Variants in TRERF1 observed in about 807,000 individuals in gnomAD.
TRERF1 encodes transcriptional-regulating factor 1.
Under a neutral mutation model 122.9 loss-of-function variants are expected in TRERF1, and 27 were observed. That is an observed-to-expected ratio of 0.22 (90% CI 0.16 to 0.30). TRERF1 has a LOEUF of 0.30. TRERF1 is among the 10% of genes least tolerant of loss of function. The probability of loss-of-function intolerance (pLI) is 1.00; values close to 1 mark genes in which losing one functional copy is unlikely to be tolerated. For synonymous variants in TRERF1, 636 were observed against 641.7 expected (o/e 0.99, Z 0.13); for missense variants, 1,248 against 1,560.3 (o/e 0.80, Z 3.37).
At chr6:42,282,458 G>T (rs540434148) in intron 4 of TRERF1, among the ~76,000 whole-genome samples, 2 of 152,218 alleles carry the variant, frequency 1.3e-5, no homozygotes, top group Non-Finnish European at 2.9e-5. Context: ...TGAGGTGGGA[G>T]CATCAATTGA....
intron 3 of TRERF1, among the ~76,000 whole-genome samples, chr6:42,311,550 G>A (rs1761637881): frequency 6.6e-6 from 1 of 151,966 alleles, no homozygotes; most frequent in Non-Finnish European, 1.5e-5. Context: ...GGATCACAAG[G>A]TCAGGAGATC....
chr6:42,273,473 G>A (rs1780607468), intron 4 of TRERF1, among the ~76,000 whole-genome samples: 1 of 152,182 alleles, frequency 6.6e-6, no homozygotes, highest in African/African-American at 2.4e-5. Flanking sequence ...TATAGATCAA[G>A]AAGTTCTTAC....
At position 42,404,465 on chromosome 6, in the gene TRERF1, C is replaced by G. The variant is rs532908100; in HGVS notation, c.-453-41386G>C. Among the ~76,000 whole-genome samples the G allele has an allele frequency of 2.6e-5, 4 of 152,108 alleles. No individual in the cohort carries two copies. In the South Asian group the frequency reaches 6.2e-4, roughly 24 times the overall value. On this transcript the variant is annotated intron_variant, in intron 2 of 17. Coordinates refer to ENST00000372922, the Ensembl canonical transcript of TRERF1. ...GGCCACGTGATGCATTTTCATTCCT[C>G]TAAGACTCCCCCTTTTCTCCCCTAC...
intron 3 of TRERF1, among the ~76,000 whole-genome samples, chr6:42,322,780 A>G (rs920605104): frequency 6.5e-4 from 99 of 152,284 alleles, no homozygotes; most frequent in Middle Eastern, 3.4e-3. Flanking sequence ...TGTAAAAGAT[A>G]GCCGTTGCCA....
At chr6:42,406,955 G>C (rs1165753893) in intron 2 of TRERF1, among the ~76,000 whole-genome samples, 1 of 152,136 alleles carries the variant, frequency 6.6e-6, no homozygotes, top group African/African-American at 2.4e-5. Context: ...TTACATCTTA[G>C]GTCATTCTCA....
intron 2 of TRERF1, among the ~76,000 whole-genome samples, chr6:42,372,289 G>A (rs767754479): frequency 6.6e-6 from 1 of 152,180 alleles, no homozygotes; most frequent in African/African-American, 2.4e-5. Context: ...CTCCCTGTTG[G>A]CTTTTGTTGA....
intron 5 of TRERF1, among the ~76,000 whole-genome samples, chr6:42,267,014 GACTCACAATGCATACT>G (rs1304627691): frequency 6.6e-6 from 1 of 152,148 alleles, no homozygotes; most frequent in Non-Finnish European, 1.5e-5. Context: ...GTATCTGCGA[GACTCACAATGCATACT>G]ACCATATTAA....
chr6:42,329,610 A>AAT (rs1284471216), intron 3 of TRERF1, among the ~76,000 whole-genome samples: 1 of 152,168 alleles, frequency 6.6e-6, no homozygotes, highest in South Asian at 2.1e-4. Flanking sequence ...AGGTCCAGCG[A>AAT]ATATATAGAT....
intron 3 of TRERF1, among the ~76,000 whole-genome samples, chr6:42,336,121 C>T (rs966140289): frequency 1.3e-5 from 2 of 152,182 alleles, no homozygotes; most frequent in Non-Finnish European, 2.9e-5. Flanking sequence ...CTAATCCCCA[C>T]GAAGGCCTGT....
rs1361265958 is a variant in TRERF1, at chr6:42,256,658, T to C, written c.2580+70A>G. 1.4e-5 allele frequency: 19 copies of C among 1,395,012 alleles called. No individual in the cohort carries two copies. The East Asian group carries it at 4.3e-4, about 32-fold the overall frequency. The allele number at this position is 1,395,012 out of a possible 1,614,324, so 86.4% of individuals were successfully genotyped here. On this transcript the variant is annotated intron_variant, in intron 12 of 17. Transcript: ENST00000372922. ...CATTACAAATTGGTTGTATGGTACA[T>C]GAGACAATATTGAAACTTGGGAAAA...
intron 3 of TRERF1, among the ~76,000 whole-genome samples, chr6:42,301,986 G>A (rs1786287879): frequency 6.6e-6 from 1 of 152,180 alleles, no homozygotes; most frequent in Non-Finnish European, 1.5e-5. Flanking sequence ...GCTGTTTGGA[G>A]ATAGGTGGTG....
intron 2 of TRERF1, among the ~76,000 whole-genome samples, chr6:42,377,102 G>A (rs1004822383): frequency 1.0e-4 from 15 of 149,710 alleles, no homozygotes; most frequent in Admixed American, 8.6e-4. Flanking sequence ...CTGACCTTAG[G>A]TGATCCACCT....
At chr6:42,315,420 G>A (rs1254407791) in intron 3 of TRERF1, among the ~76,000 whole-genome samples, 3 of 152,214 alleles carry the variant, frequency 2.0e-5, no homozygotes, top group Non-Finnish European at 4.4e-5. Flanking sequence ...AATGCCTCGT[G>A]CCTGCTGGAG....
chr6:42,444,847 A>G (rs983997389), intron 2 of TRERF1, among the ~76,000 whole-genome samples: 1 of 152,144 alleles, frequency 6.6e-6, no homozygotes, highest in Non-Finnish European at 1.5e-5. Flanking sequence ...ATTTTGCCAA[A>G]GAGTTGACTA....
intron 2 of TRERF1, among the ~76,000 whole-genome samples, chr6:42,367,632 G>A (rs888863702): frequency 1.3e-5 from 2 of 152,092 alleles, no homozygotes; most frequent in African/African-American, 4.8e-5. Flanking sequence ...CTCACCCCAA[G>A]CATGGGAGGG....
intron 14 of TRERF1, 132 bp from the exon 15 acceptor site, chr6:42,243,493 G>A (rs1298559489): frequency 6.5e-6 from 4 of 612,278 alleles, no homozygotes; most frequent in Non-Finnish European, 1.2e-5. Flanking sequence ...AATGTACCTG[G>A]TGAAAGGCCT....
chr6:42,413,428 A>ATTTT (rs5875802), intron 2 of TRERF1, among the ~76,000 whole-genome samples: 1 of 119,056 alleles, frequency 8.4e-6, no homozygotes, highest in Non-Finnish European at 1.7e-5. Context: ...CAGAATCTGC[A>ATTTT]TTTTTTTTTT....
intron 3 of TRERF1, among the ~76,000 whole-genome samples, chr6:42,307,204 T>C (rs1787418582): frequency 6.6e-6 from 1 of 152,178 alleles, no homozygotes; most frequent in Non-Finnish European, 1.5e-5. Context: ...ACCCTAGAGA[T>C]TAATTTTGAG....
At position 42,228,872 on chromosome 6, in the gene TRERF1, C is replaced by A. The variant is rs1769963834; in HGVS notation, c.3279-203G>T. ...AGGAAAGGGATGGGGACAGAACACA[C>A]CTACTGTGCCTCAGGCTTCCTTCCT... On this transcript the variant is annotated intron_variant, in intron 17 of 17. Transcript: ENST00000372922. This position sits in a 1 kb window ranked among gnomAD's most constrained non-coding sequence, Gnocchi z 4.2. Among the ~76,000 whole-genome samples the A allele has an allele frequency of 1.3e-5, 2 of 152,174 alleles. No homozygotes were observed. The highest frequency in any genetic ancestry group is 4.1e-4 in the South Asian group (2 of 4,824).
Sources: gnomAD v4.1 joint callset for allele counts (sites outside exome capture counted in the v4.1 genomes callset) on GRCh38, gnomAD v4.1.1 for gene constraint, Gnocchi (gnomAD v3.1) non-coding constraint, MANE v1.5 for transcripts, NCBI Gene and HGNC (gene_info 2026-07-23, HGNC 2026-07-21) for gene names.